Variants in PDE4D observed in about 807,000 individuals in gnomAD.
PDE4D encodes phosphodiesterase 4D.
A neutral mutation model predicts 87.4 loss-of-function variants in PDE4D; 24 were observed. The observed-to-expected ratio is 0.27, with a 90% CI of 0.20 to 0.39. The LOEUF (loss-of-function observed/expected upper bound fraction) is 0.39, where lower values mean the gene tolerates loss of function less well. PDE4D is among the 10% of genes least tolerant of loss of function. The pLI is 1.00. For missense variants in PDE4D, 714 were observed against 1,041.0 expected (o/e 0.69, Z 4.32); for synonymous variants, 384 against 383.2 (o/e 1.00, Z -0.02).
At chr5:59,915,807 C>T (rs1278868294) in intron 3 of PDE4D, among the ~76,000 whole-genome samples, 1 of 152,076 alleles carries the variant, frequency 6.6e-6, no homozygotes, top group African/African-American at 2.4e-5. Context: ...ATTTAGAACA[C>T]ATTTCTTTTT....
chr5:59,919,699 C>A (rs1042140119), intron 3 of PDE4D, among the ~76,000 whole-genome samples: 2 of 152,110 alleles, frequency 1.3e-5, no homozygotes, highest in Admixed American at 6.6e-5. Flanking sequence ...TGGGAAAGAC[C>A]CTCCCTATTT....
chr5:59,235,685 A>G (rs1404298040), intron 1 of PDE4D, among the ~76,000 whole-genome samples: 1 of 152,222 alleles, frequency 6.6e-6, no homozygotes, highest in Admixed American at 6.5e-5. Context: ...AGCCGAGCAC[A>G]ATGTTCAAAA....
chr5:59,090,748 C>A (rs1035794754), intron 5 of PDE4D, among the ~76,000 whole-genome samples: 4 of 150,040 alleles, frequency 2.7e-5, no homozygotes, highest in African/African-American at 4.9e-5. Flanking sequence ...GAGTCTCAGA[C>A]GGGACCTTCG....
chr5:59,440,422 A>G (rs1797432188), intron 1 of PDE4D, among the ~76,000 whole-genome samples: 1 of 152,256 alleles, frequency 6.6e-6, no homozygotes, highest in Admixed American at 6.5e-5. Context: ...CACTACTGAT[A>G]ACAATTACAA....
chr5:59,300,578 T>C (rs1770017842), intron 1 of PDE4D, among the ~76,000 whole-genome samples: 1 of 152,188 alleles, frequency 6.6e-6, no homozygotes, highest in Non-Finnish European at 1.5e-5. Context: ...CTAGGAGCTA[T>C]AGGGTGTAGA....
At chr5:60,515,357 G>A (rs895716124) in intron 1 of PDE4D, among the ~76,000 whole-genome samples, 5 of 152,158 alleles carry the variant, frequency 3.3e-5, no homozygotes, top group East Asian at 1.9e-4. Flanking sequence ...GAGAACTGAT[G>A]TCATTATAAT....
chr5:59,861,859 T>C (rs1017958493), intron 1 of PDE4D, among the ~76,000 whole-genome samples: 2 of 152,192 alleles, frequency 1.3e-5, no homozygotes, highest in Non-Finnish European at 2.9e-5. Flanking sequence ...CTTTGTGAAA[T>C]CAGGACTGTT....
intron 1 of PDE4D, among the ~76,000 whole-genome samples, chr5:59,511,295 G>A (rs1810242485): frequency 6.6e-6 from 1 of 151,880 alleles, no homozygotes; most frequent in Non-Finnish European, 1.5e-5. Flanking sequence ...TACATGAGAA[G>A]ACTGTGTCAG....
intron 1 of PDE4D, among the ~76,000 whole-genome samples, chr5:60,472,918 T>A (rs753000349): frequency 6.6e-6 from 1 of 152,126 alleles, no homozygotes; most frequent in African/African-American, 2.4e-5. Flanking sequence ...ACATTCGAGG[T>A]AGGCTAGGCT....
chr5:60,105,130 C>T lies in PDE4D; in HGVS notation c.42+80427G>A, dbSNP rs549524577. 6.6e-5 allele frequency among the ~76,000 whole-genome samples: 10 copies of T among 152,214 alleles called. 1 individual carries two copies. The highest frequency in any genetic ancestry group is 9.6e-5 in the African/African-American group (4 of 41,560). On this transcript the variant is annotated intron_variant, in intron 2 of 16. Transcript: ENST00000502484. Reference sequence around the variant, plus strand: ...AAACTTTGAAAAAAATTTAGACGAACGTATAGCTAGAATAACCAATACAGA... The same window carrying T: ...AAACTTTGAAAAAAATTTAGACGAATGTATAGCTAGAATAACCAATACAGA...
At chr5:59,495,587 T>A (rs1807029279) in intron 1 of PDE4D, among the ~76,000 whole-genome samples, 6 of 151,990 alleles carry the variant, frequency 3.9e-5, no homozygotes, top group Admixed American at 3.9e-4. Context: ...GAGAGAATGC[T>A]TGGATGCGAT....
intron 5 of PDE4D, among the ~76,000 whole-genome samples, chr5:59,123,430 T>C (rs1193845467): frequency 6.6e-6 from 1 of 152,232 alleles, no homozygotes; most frequent in Non-Finnish European, 1.5e-5. Context: ...GTAATCTTTG[T>C]TTCCCTTTCA....
At chr5:59,398,170 A>G (rs368737962) in intron 1 of PDE4D, among the ~76,000 whole-genome samples, 2 of 142,876 alleles carry the variant, frequency 1.4e-5, no homozygotes, top group Admixed American at 7.0e-5. Flanking sequence ...AACTGGTACC[A>G]TTCCTTCTGA....
intron 1 of PDE4D, among the ~76,000 whole-genome samples, chr5:60,347,902 G>A (rs150152326): frequency 3.9e-5 from 6 of 152,248 alleles, no homozygotes; most frequent in Non-Finnish European, 7.4e-5. Context: ...CCATAGAACT[G>A]TAACCTGGAC....
chr5:59,483,049 C>T (rs1037847583), intron 1 of PDE4D, among the ~76,000 whole-genome samples: 4 of 152,146 alleles, frequency 2.6e-5, no homozygotes, highest in Non-Finnish European at 5.9e-5. Flanking sequence ...AAGGCTGAAC[C>T]TTCCACAAGT....
At chr5:59,263,226 C>G (rs576135143) in intron 1 of PDE4D, among the ~76,000 whole-genome samples, 1 of 151,932 alleles carries the variant, frequency 6.6e-6, no homozygotes, top group Non-Finnish European at 1.5e-5. Context: ...GTTGAATGCC[C>G]ATGATGGAGC....
At chr5:60,205,772 T>C (rs750606158) in intron 1 of PDE4D, among the ~76,000 whole-genome samples, 10 of 150,486 alleles carry the variant, frequency 6.6e-5, no homozygotes, top group Non-Finnish European at 1.3e-4. Context: ...TGTGTGCCTG[T>C]AGTACTCGGG....
At chr5:59,803,712 C>T (rs1767419559) in intron 1 of PDE4D, among the ~76,000 whole-genome samples, 1 of 152,136 alleles carries the variant, frequency 6.6e-6, no homozygotes, top group African/African-American at 2.4e-5. Context: ...TAAACAAATA[C>T]ATGAAATTGG....
chr5:59,410,871 G>GCAT (rs1792554000), intron 1 of PDE4D, among the ~76,000 whole-genome samples: 1 of 151,978 alleles, frequency 6.6e-6, no homozygotes, highest in South Asian at 2.1e-4. Context: ...TCCTCTCTTG[G>GCAT]CATTATAAGG....
Sources: gnomAD v4.1 joint callset for allele counts (sites outside exome capture counted in the v4.1 genomes callset) on GRCh38, gnomAD v4.1.1 for gene constraint, MANE v1.5 for transcripts, NCBI Gene and HGNC (gene_info 2026-07-23, HGNC 2026-07-21) for gene names.